FNBP4: variants seen among roughly 807,000 people sequenced by gnomAD.
FNBP4 encodes the protein formin-binding protein 4.
A neutral mutation model predicts 119.3 loss-of-function variants in FNBP4; 34 were observed. That is an observed-to-expected ratio of 0.28 (90% confidence interval 0.22 to 0.38). FNBP4 has a LOEUF of 0.38. FNBP4 is among the 10% of genes least tolerant of loss of function. The pLI, the probability that FNBP4 is intolerant of heterozygous loss-of-function variation, is 1.00. For missense variants in FNBP4, 1,112 were observed against 1,228.9 expected (o/e 0.90, Z 1.42); for synonymous variants, 462 against 430.6 (o/e 1.07, Z -0.90).
chr11:47,752,690 T>G (rs958264143), intron 4 of FNBP4: 3 of 433,238 alleles, frequency 6.9e-6, no homozygotes, highest in Non-Finnish European at 1.3e-5. Context: ...AGTGTGCGCC[T>G]GTAGTCCCAG....
intron 16 of FNBP4, among the ~76,000 whole-genome samples, chr11:47,719,568 A>ATGTG (rs1203883663): frequency 2.5e-4 from 26 of 104,920 alleles, no homozygotes; most frequent in African/African-American, 8.5e-4. Context: ...TTAATATGTT[A>ATGTG]TGTGTGTATG....
intron 9 of FNBP4, 83 bp from the exon 10 acceptor site, chr11:47,734,212 G>A (rs2097570967): frequency 1.4e-6 from 1 of 717,876 alleles, no homozygotes; most frequent in African/African-American, 1.8e-5. Flanking sequence ...TATTCTTATA[G>A]ATATTAGAAA....
intron 8 of FNBP4, among the ~76,000 whole-genome samples, chr11:47,743,190 T>A (rs1199924563): frequency 6.6e-6 from 1 of 152,052 alleles, no homozygotes; most frequent in African/African-American, 2.4e-5. Context: ...GACTTTCCAC[T>A]ACAGAATTAG....
chr11:47,761,188 C>G (rs141319075), intron 2 of FNBP4, among the ~76,000 whole-genome samples: 1 of 152,032 alleles, frequency 6.6e-6, no homozygotes, highest in Non-Finnish European at 1.5e-5. Context: ...AAAATACATA[C>G]AAAATTTAAT....
chr11:47,748,734 C>G (rs2097595887), intron 6 of FNBP4, among the ~76,000 whole-genome samples: 1 of 152,020 alleles, frequency 6.6e-6, no homozygotes, highest in Non-Finnish European at 1.5e-5. Context: ...ATTGCAACCT[C>G]TGCCTCCCAG....
At chr11:47,719,008 C>G (rs1281544434) in intron 16 of FNBP4, among the ~76,000 whole-genome samples, 1 of 149,446 alleles carries the variant, frequency 6.7e-6, no homozygotes, top group Non-Finnish European at 1.5e-5. Flanking sequence ...CGGGTTCAAA[C>G]AATTCTTCTG....
intron 2 of FNBP4, among the ~76,000 whole-genome samples, chr11:47,758,386 A>G (rs889121219): frequency 2.6e-5 from 4 of 152,190 alleles, no homozygotes; most frequent in Non-Finnish European, 4.4e-5. Context: ...TTTTTTAAGC[A>G]CACAAAAGGT....
intron 2 of FNBP4, among the ~76,000 whole-genome samples, chr11:47,758,277 T>C (rs1393520970): frequency 6.6e-6 from 1 of 152,148 alleles, no homozygotes; most frequent in Non-Finnish European, 1.5e-5. Flanking sequence ...GGTTTTGCCA[T>C]GTTGCCTAGG....
At chr11:47,719,570 GTGTGTA>G (rs1037503977) in intron 16 of FNBP4, among the ~76,000 whole-genome samples, 41 of 90,052 alleles carry the variant, frequency 4.6e-4, no homozygotes, top group East Asian at 1.1e-3. Flanking sequence ...AATATGTTAT[GTGTGTA>G]TGTGTGTGTG....
rs2097607470 is a variant in FNBP4 at position 47,753,057 on chromosome 11, C to T, written c.496G>A (p.Ala166Thr). Reference protein sequence around the residue: ...TAPQPAAPVGASAPPPTPPRP... With the variant: ...TAPQPAAPVGTSAPPPTPPRP... The stretch of plus-strand genomic sequence containing the variant: ...GGTGGAGTTGGAGGTGGAGCAGAAG[C>T]TCCTACAGGAGCTGCAGGCTGAGGA... Residue 166 changes from alanine to threonine, a missense_variant, in exon 4 of 17, where the codon GCT (alanine) becomes ACT (threonine). Transcript: ENST00000263773. 1.2e-6 allele frequency: 2 copies of T among 1,614,088 alleles called. No homozygotes were observed. Among genetic ancestry groups the T allele is most frequent in the Admixed American group, 1.7e-5 (1 of 59,980 alleles).
At chr11:47,727,511 A>G (rs2074406439) in intron 12 of FNBP4, among the ~76,000 whole-genome samples, 1 of 152,204 alleles carries the variant, frequency 6.6e-6, no homozygotes, top group African/African-American at 2.4e-5. Flanking sequence ...TTGGCCTCCC[A>G]AAGTGCTGGG....
At chr11:47,738,272 A>G (rs931244180) in intron 8 of FNBP4, among the ~76,000 whole-genome samples, 1 of 152,190 alleles carries the variant, frequency 6.6e-6, no homozygotes, top group African/African-American at 2.4e-5. Flanking sequence ...CTGCCAGTTA[A>G]AAAGCCAAAA....
At chr11:47,763,089 C>T (rs2097639430) in intron 2 of FNBP4, among the ~76,000 whole-genome samples, 1 of 152,014 alleles carries the variant, frequency 6.6e-6, no homozygotes, top group Non-Finnish European at 1.5e-5. Context: ...CCTGTAATCC[C>T]AGCACTTTGG....
At position 47,750,948 on chromosome 11, in the gene FNBP4, C is replaced by T; in HGVS notation, c.874G>A (p.Gly292Arg). 6.2e-7 allele frequency: 1 copy of T among 1,613,934 alleles called. No homozygotes were observed. The highest frequency in any genetic ancestry group is 8.5e-7 in the Non-Finnish European group (1 of 1,179,956). ...KTISVSSSKS[G>R]PVIAKREVKK... The stretch of plus-strand genomic sequence containing the variant: ...ACTTCTCGCTTGGCTATGACTGGTC[C>T]ACTTTTACTACTGGAAACAGAAATC... The change falls in exon 6 of 17, where the codon GGA becomes AGA. Residue 292 changes from glycine to arginine, a missense_variant. Physicochemically the swap from Gly to Arg is moderately radical, Grantham distance 125. Around this residue, in one of 2 missense-constraint regions of FNBP4, gnomAD observed 826 missense variants for 988.8 expected, o/e 0.84. Transcript: ENST00000263773.
At chr11:47,731,344 G>A in intron 12 of FNBP4, 30 bp downstream of exon 12, 1 of 1,527,668 alleles carries the variant, frequency 6.5e-7, no homozygotes, top group Non-Finnish European at 8.8e-7. Context: ...AGTCATTTTG[G>A]CTGAATTAGT....
rs71045510 is a variant in FNBP4 at position 47,738,847 on chromosome 11, A to AT, written c.1457-2108dup. Among the ~76,000 whole-genome samples, 680 of 110,846 alleles carry AT rather than the reference A, an allele frequency of 6.1e-3. 39 individuals are homozygous for AT. Among genetic ancestry groups the AT allele is most frequent in the African/African-American group, 0.019 (573 of 30,600 alleles). 72.7% of individuals were successfully genotyped at this position (110,846 alleles called of 152,430 possible). A position where few individuals can be genotyped will look rare whatever the true frequency, so the allele number is the denominator to read the frequency against. On this transcript the variant is annotated intron_variant, in intron 8 of 16. Transcript: ENST00000263773. ...AGGTGTTTGCCACCATGCCCAGGTA[A>AT]TTTTTTTTTTTTTTTTTTTTTTTTT...
rs986338945 is a variant in FNBP4, at chr11:47,732,478, T to C, written c.1820+59A>G. The C allele has an allele frequency of 3.1e-6, 5 of 1,608,596 alleles. No individual in the cohort carries two copies. In the African/African-American group the frequency reaches 5.3e-5, roughly 17 times the overall value. On this transcript the variant is annotated intron_variant, in intron 11 of 16. Transcript: ENST00000263773. The surrounding 1 kb of genome is among the most constrained non-coding windows in gnomAD (Gnocchi z 4.2). ...CTGTCATGTCGTCAGATGGTGGTGATCACAAATCATGTCTGAGATGTCAAA... is the reference window on the plus strand; with the variant it reads ...CTGTCATGTCGTCAGATGGTGGTGACCACAAATCATGTCTGAGATGTCAAA...
intron 6 of FNBP4, among the ~76,000 whole-genome samples, chr11:47,747,725 G>A (rs934257809): frequency 5.9e-5 from 9 of 151,926 alleles, no homozygotes; most frequent in South Asian, 2.1e-4. Context: ...CAAGGCAGGC[G>A]GATCACAAGG....
At chr11:47,729,187 T>C in intron 12 of FNBP4, 1 of 985,404 alleles carries the variant, frequency 1.0e-6, no homozygotes, top group African/African-American at 1.7e-5. Context: ...AAAGCCTTCC[T>C]TAATTTTCCC....
Sources: allele counts gnomAD v4.1 joint callset (sites outside exome capture counted in the v4.1 genomes callset), GRCh38; gene constraint gnomAD v4.1.1; regional missense constraint gnomAD v4.1.1; non-coding constraint Gnocchi (gnomAD v3.1); transcripts MANE v1.5; gene names NCBI Gene and HGNC (gene_info 2026-07-23, HGNC 2026-07-21).